Variants in KPNA3 observed in about 807,000 individuals in gnomAD.
KPNA3 encodes the protein importin subunit alpha-4.
KPNA3 carries 13 observed loss-of-function variants against 73.8 expected under a neutral mutation model. That is an observed-to-expected ratio of 0.18 (90% CI 0.11 to 0.28). KPNA3 has a LOEUF of 0.28. KPNA3 is among the 10% of genes least tolerant of loss of function. KPNA3 has a pLI of 1.00. For synonymous variants in KPNA3, 186 were observed against 206.9 expected (o/e 0.90, Z 0.87); for missense variants, 360 against 618.1 (o/e 0.58, Z 4.43).
chr13:49,703,135 T>C (rs1027985298), intron 15 of KPNA3, among the ~76,000 whole-genome samples: 7 of 151,524 alleles, frequency 4.6e-5, no homozygotes, highest in Admixed American at 1.3e-4. Flanking sequence ...CCCAAAGTGC[T>C]GGGATTACAG....
At chr13:49,743,220 T>G (rs1954589463) in intron 2 of KPNA3, among the ~76,000 whole-genome samples, 1 of 152,180 alleles carries the variant, frequency 6.6e-6, no homozygotes, top group Non-Finnish European at 1.5e-5. Context: ...AGCTCTCTTT[T>G]GTTTTCAAGA....
intron 1 of KPNA3, among the ~76,000 whole-genome samples, chr13:49,791,135 T>C (rs1261344817): frequency 6.6e-6 from 1 of 152,258 alleles, no homozygotes; most frequent in Non-Finnish European, 1.5e-5. Context: ...CCTACTAGTA[T>C]TTAATTTTGT....
chr13:49,751,926 C>A (rs1459877383), intron 1 of KPNA3, among the ~76,000 whole-genome samples: 1 of 152,046 alleles, frequency 6.6e-6, no homozygotes, highest in African/African-American at 2.4e-5. Flanking sequence ...ACAAACGACA[C>A]CTACAAGGTT....
intron 2 of KPNA3, among the ~76,000 whole-genome samples, chr13:49,740,873 C>T (rs572597988): frequency 6.6e-6 from 1 of 152,004 alleles, no homozygotes; most frequent in East Asian, 1.9e-4. Context: ...CTTTTTTAGA[C>T]TCCATGCATA....
chr13:49,725,558 A>T, intron 6 of KPNA3, 57 bp from the exon 7 acceptor site: 1 of 1,103,222 alleles, frequency 9.1e-7, no homozygotes, highest in Non-Finnish European at 1.4e-6. Flanking sequence ...TAAATTAATG[A>T]ATCTTAAGAC....
chr13:49,731,330 C>T (rs1954467898), intron 6 of KPNA3, among the ~76,000 whole-genome samples: 1 of 143,218 alleles, frequency 7.0e-6, no homozygotes, highest in Admixed American at 7.6e-5. Context: ...CTCAAGCGAT[C>T]CACCTACCTC....
chr13:49,783,443 C>CG (rs550117895), intron 1 of KPNA3, among the ~76,000 whole-genome samples: 239 of 152,104 alleles, frequency 1.6e-3, no homozygotes, highest in African/African-American at 4.8e-3. Flanking sequence ...TCTGTATCCT[C>CG]GGGGGGGTTG....
rs191818213 is a variant in KPNA3 at position 49,732,543 on chromosome 13, G to A, written c.287+62C>T. The A allele has an allele frequency of 1.4e-4, 208 of 1,447,356 alleles. No individual in the cohort carries two copies. The African/African-American group carries it at 2.7e-3, about 19-fold the overall frequency. The allele number at this position is 1,447,356 out of a possible 1,614,324, so 89.7% of individuals were successfully genotyped here. On this transcript the variant is annotated intron_variant, in intron 5 of 16. Transcript: ENST00000261667. ...AGAAATAACAACATATTAACTTCTA[G>A]ACTACCAGGTAACACAACTGAGGAA... is the stretch of plus-strand genomic sequence containing the variant.
In KPNA3 at chr13:49,723,688, A is replaced by G. The variant is rs558214141; in HGVS notation, c.470-1125T>C. ...AGGTTGAGACCATCCTGGCCAACAT[A>G]GTGAAACCCCGTCTCTACTAAAAAT... On this transcript the variant is annotated intron_variant, in intron 7 of 16. Coordinates refer to ENST00000261667, the MANE Select transcript of KPNA3 (RefSeq NM_002267.4). Among the ~76,000 whole-genome samples the G allele has an allele frequency of 9.2e-5, 14 of 151,712 alleles. No individual in the cohort carries two copies. In the East Asian group the frequency reaches 2.1e-3, roughly 23 times the overall value.
chr13:49,733,491 G>T (rs1218344476), intron 2 of KPNA3, among the ~76,000 whole-genome samples: 1 of 152,100 alleles, frequency 6.6e-6, no homozygotes, highest in Non-Finnish European at 1.5e-5. Context: ...TTTTTGCCGT[G>T]TTGGCCAGGC....
intron 12 of KPNA3, among the ~76,000 whole-genome samples, chr13:49,708,351 C>G (rs1447829175): frequency 6.6e-6 from 1 of 152,092 alleles, no homozygotes; most frequent in East Asian, 1.9e-4. Flanking sequence ...CTAGGATTGT[C>G]AGTAATTTTT....
chr13:49,778,883 C>T (rs1954919458), intron 1 of KPNA3, among the ~76,000 whole-genome samples: 1 of 152,182 alleles, frequency 6.6e-6, no homozygotes, highest in African/African-American at 2.4e-5. Context: ...GCTGGGATTA[C>T]AGGTGTGAGC....
chr13:49,731,256 T>G (rs1006740454), intron 6 of KPNA3, among the ~76,000 whole-genome samples: 10 of 145,504 alleles, frequency 6.9e-5, no homozygotes, highest in South Asian at 2.3e-4. Flanking sequence ...CGTGTTTTTT[T>G]TTTTTTTTTT....
Position 49,779,792 on chromosome 13 carries a change from T to G in KPNA3, c.69+12646A>C, listed in dbSNP as rs570552365. Among the ~76,000 whole-genome samples the G allele has an allele frequency of 3.9e-5, 6 of 152,274 alleles. No individual in the cohort carries two copies. In the South Asian group the frequency reaches 1.2e-3, roughly 32 times the overall value. ...CAACTCACTCCTTAGCTCATCATGA[T>G]CTAGCTTCCAGCCTCCACCACCCTC... On this transcript the variant is annotated intron_variant, in intron 1 of 16. Transcript: ENST00000261667.
intron 2 of KPNA3, among the ~76,000 whole-genome samples, chr13:49,739,755 C>T (rs770003711): frequency 2.0e-5 from 3 of 151,868 alleles, no homozygotes; most frequent in African/African-American, 4.8e-5. Context: ...TCTAAAGTAA[C>T]AAAAAAAGGT....
intron 2 of KPNA3, among the ~76,000 whole-genome samples, chr13:49,738,925 A>G (rs1954548739): frequency 6.6e-6 from 1 of 152,236 alleles, no homozygotes; most frequent in Non-Finnish European, 1.5e-5. Flanking sequence ...TCTCAGGGGA[A>G]AGCATTTAGT....
intron 6 of KPNA3, among the ~76,000 whole-genome samples, chr13:49,726,054 G>A (rs890884181): frequency 1.3e-5 from 2 of 152,046 alleles, no homozygotes; most frequent in African/African-American, 4.8e-5. Flanking sequence ...CCTTGACTTC[G>A]ACTTCCTCTC....
chr13:49,782,683 A>C (rs995702392), intron 1 of KPNA3, among the ~76,000 whole-genome samples: 17 of 152,128 alleles, frequency 1.1e-4, no homozygotes, highest in African/African-American at 3.6e-4. Flanking sequence ...GTTTGAGACC[A>C]GCTTGGACAA....
chr13:49,769,526 A>G (rs1226796112), intron 1 of KPNA3, among the ~76,000 whole-genome samples: 2 of 152,264 alleles, frequency 1.3e-5, no homozygotes, highest in Admixed American at 6.5e-5. Context: ...TACAAATGGA[A>G]TCATATAATA....
Sources: allele counts gnomAD v4.1 joint callset (sites outside exome capture counted in the v4.1 genomes callset), GRCh38; gene constraint gnomAD v4.1.1; transcripts MANE v1.5; gene names NCBI Gene and HGNC (gene_info 2026-07-23, HGNC 2026-07-21).